The following KSR2 variants were observed in gnomAD, a reference collection of about 807,000 sequenced individuals.
KSR2 encodes kinase suppressor of ras 2.
KSR2 carries 25 observed loss-of-function variants against 107.8 expected under a neutral mutation model. The ratio of observed to expected loss-of-function variants is 0.23; its 90% confidence interval spans 0.17 to 0.32. KSR2 has a LOEUF of 0.32. Among genes scored for constraint, KSR2 ranks in the 10% least tolerant of loss-of-function variants. KSR2 has a pLI of 1.00. For synonymous variants in KSR2, 480 were observed against 507.0 expected (o/e 0.95, Z 0.71); for missense variants, 887 against 1,268.9 (o/e 0.70, Z 4.57).
intron 4 of KSR2, among the ~76,000 whole-genome samples, chr12:117,730,713 T>C (rs1887636482): frequency 6.6e-6 from 1 of 152,248 alleles, no homozygotes; most frequent in Non-Finnish European, 1.5e-5. Flanking sequence ...TTTCGCTGTG[T>C]TGGCCAGGCT....
In KSR2 at chr12:117,537,580, C is replaced by T. The variant is rs1042050262; in HGVS notation, c.1687+2139G>A. 6.6e-5 allele frequency among the ~76,000 whole-genome samples: 10 copies of T among 152,278 alleles called. No homozygotes were observed. In the East Asian group the frequency reaches 7.7e-4, roughly 12 times the overall value. ...ATGAGAACACTGAGGCCCAGAGAGG[C>T]GAGTTATTTGTCCAGCATCACACAG... On this transcript the variant is annotated intron_variant, in intron 10 of 19. Transcript: ENST00000339824.
At chr12:117,642,534 C>T (rs1883425304) in intron 5 of KSR2, among the ~76,000 whole-genome samples, 1 of 152,168 alleles carries the variant, frequency 6.6e-6, no homozygotes, top group African/African-American at 2.4e-5. Flanking sequence ...TCTTGGTTGA[C>T]CCTGAGAAAG....
At chr12:117,885,117 T>C (rs376187921) in intron 1 of KSR2, among the ~76,000 whole-genome samples, 1 of 152,158 alleles carries the variant, frequency 6.6e-6, no homozygotes. Context: ...TGCATGTGGA[T>C]GATGAAGCTC....
At chr12:117,811,457 A>G (rs1328864764) in intron 3 of KSR2, among the ~76,000 whole-genome samples, 1 of 152,236 alleles carries the variant, frequency 6.6e-6, no homozygotes, top group Admixed American at 6.5e-5. Flanking sequence ...CCCGCCCCAG[A>G]CATATGGAGT....
chr12:117,634,747 C>A (rs1163076622), intron 5 of KSR2, among the ~76,000 whole-genome samples: 1 of 152,222 alleles, frequency 6.6e-6, no homozygotes, highest in Non-Finnish European at 1.5e-5. Flanking sequence ...AATCTGAAAT[C>A]AACCAGGGTT....
intron 3 of KSR2, among the ~76,000 whole-genome samples, chr12:117,761,895 T>A (rs1889047701): frequency 6.6e-6 from 1 of 152,234 alleles, no homozygotes; most frequent in African/African-American, 2.4e-5. Flanking sequence ...ATATGTGCAT[T>A]ACATCATATG....
intron 5 of KSR2, among the ~76,000 whole-genome samples, chr12:117,621,952 T>C (rs1184234530): frequency 2.0e-5 from 3 of 152,070 alleles, no homozygotes; most frequent in Non-Finnish European, 4.4e-5. Context: ...AAAGGGACCA[T>C]CCACATTCCA....
At chr12:117,595,395 T>C (rs898067524) in intron 5 of KSR2, among the ~76,000 whole-genome samples, 31 of 130,394 alleles carry the variant, frequency 2.4e-4, no homozygotes, top group African/African-American at 8.3e-4. Context: ...TCTCGCTCTG[T>C]TGCCCAGGCC....
intron 6 of KSR2, among the ~76,000 whole-genome samples, chr12:117,579,969 A>G (rs1879543302): frequency 6.6e-6 from 1 of 152,182 alleles, no homozygotes; most frequent in African/African-American, 2.4e-5. Flanking sequence ...GATATGAGGC[A>G]GCAGCAGGAC....
At chr12:117,642,678 C>T (rs113016338) in intron 5 of KSR2, among the ~76,000 whole-genome samples, 23 of 152,184 alleles carry the variant, frequency 1.5e-4, no homozygotes, top group Non-Finnish European at 2.8e-4. Flanking sequence ...TACTGGAGTT[C>T]GGGTGGACCT....
chr12:117,494,236 C>T (rs1872902238), intron 14 of KSR2, among the ~76,000 whole-genome samples: 1 of 152,126 alleles, frequency 6.6e-6, no homozygotes, highest in South Asian at 2.1e-4. Context: ...CCTGCGGTCT[C>T]CTTTGCCACA....
chr12:117,781,798 G>C (rs1300897655), intron 3 of KSR2, among the ~76,000 whole-genome samples: 1 of 152,160 alleles, frequency 6.6e-6, no homozygotes, highest in East Asian at 1.9e-4. Flanking sequence ...GCCTGCCTCT[G>C]GAGCCCAAAC....
At chr12:117,824,236 C>T (rs964079623) in intron 3 of KSR2, among the ~76,000 whole-genome samples, 10 of 151,298 alleles carry the variant, frequency 6.6e-5, no homozygotes, top group African/African-American at 2.4e-4. Flanking sequence ...CTGGTGGTTG[C>T]CAGAGGCTAG....
intron 4 of KSR2, among the ~76,000 whole-genome samples, chr12:117,694,379 T>C (rs1885962234): frequency 6.6e-6 from 1 of 152,198 alleles, no homozygotes; most frequent in Non-Finnish European, 1.5e-5. Flanking sequence ...CCTGCCACCA[T>C]GTAAGATGTG....
chr12:117,675,299 T>C (rs1254798504), intron 4 of KSR2, among the ~76,000 whole-genome samples: 3 of 152,172 alleles, frequency 2.0e-5, no homozygotes, highest in Non-Finnish European at 4.4e-5. Flanking sequence ...CTAGCCCATG[T>C]ATCCCACCTC....
intron 4 of KSR2, among the ~76,000 whole-genome samples, chr12:117,721,685 G>C (rs1887212088): frequency 6.6e-6 from 1 of 152,176 alleles, no homozygotes. Context: ...CCTTCTGAGG[G>C]CATAGGATTC....
intron 5 of KSR2, among the ~76,000 whole-genome samples, chr12:117,654,927 G>A (rs1884073814): frequency 6.6e-6 from 1 of 152,190 alleles, no homozygotes; most frequent in Non-Finnish European, 1.5e-5. Context: ...TGGCAGGGAT[G>A]GAGGTTACGC....
chr12:117,616,770 C>T (rs569013820), intron 5 of KSR2, among the ~76,000 whole-genome samples: 2 of 152,292 alleles, frequency 1.3e-5, no homozygotes, highest in African/African-American at 4.8e-5. Context: ...TCCCTAACAA[C>T]CTTCTGATAT....
chr12:117,821,834 G>C (rs1273321882), intron 3 of KSR2, among the ~76,000 whole-genome samples: 1 of 152,198 alleles, frequency 6.6e-6, no homozygotes, highest in Non-Finnish European at 1.5e-5. Flanking sequence ...AAGTATTATT[G>C]TCAGAGGCGT....
Sources: allele counts gnomAD v4.1 joint callset (sites outside exome capture counted in the v4.1 genomes callset), GRCh38; gene constraint gnomAD v4.1.1; transcripts MANE v1.5; gene names NCBI Gene and HGNC (gene_info 2026-07-23, HGNC 2026-07-21).